HYCC2: variants seen among roughly 807,000 people sequenced by gnomAD.
HYCC2 encodes hyccin PI4KA lipid kinase complex subunit 2.
chr2:201,041,549 T>C, the HYCC2 span, among the ~76,000 whole-genome samples: 1 of 152,234 alleles, frequency 6.6e-6, no homozygotes, highest in Non-Finnish European at 1.5e-5. Flanking sequence ...TTTATGTAAA[T>C]AGCAGCTCTT....
chr2:201,026,012 A>G, the HYCC2 span, among the ~76,000 whole-genome samples: 8 of 152,180 alleles, frequency 5.3e-5, no homozygotes, highest in African/African-American at 1.9e-4. Flanking sequence ...TAAAAGACAC[A>G]GACTGGCAAA....
the HYCC2 span, among the ~76,000 whole-genome samples, chr2:201,018,346 T>G: frequency 6.6e-6 from 1 of 152,108 alleles, no homozygotes; most frequent in African/African-American, 2.4e-5. Flanking sequence ...AGTTTAATAC[T>G]AACTCTTTAA....
At chr2:201,033,224 T>G in the HYCC2 span, among the ~76,000 whole-genome samples, 1 of 138,452 alleles carries the variant, frequency 7.2e-6, no homozygotes, top group African/African-American at 2.8e-5. Context: ...AGAGATGAGA[T>G]CTCTCTCTGT....
At chr2:201,020,389 T>G in the HYCC2 span, among the ~76,000 whole-genome samples, 1 of 151,966 alleles carries the variant, frequency 6.6e-6, no homozygotes, top group East Asian at 1.9e-4. Flanking sequence ...GGTTAAAGAA[T>G]GTGAGGTGAA....
chr2:201,014,322 T>C, the HYCC2 span, among the ~76,000 whole-genome samples: 1 of 280 alleles, frequency 3.6e-3, no homozygotes, highest in African/African-American at 0.014. Flanking sequence ...GGAAACACAG[T>C]GATATATAAC....
At chr2:201,009,662 G>T in the HYCC2 span, among the ~76,000 whole-genome samples, 1 of 152,062 alleles carries the variant, frequency 6.6e-6, no homozygotes, top group African/African-American at 2.4e-5. Context: ...GTTTCGCCAT[G>T]TTGGCCAGGC....
the HYCC2 span, among the ~76,000 whole-genome samples, chr2:201,053,519 A>G: frequency 6.6e-6 from 1 of 152,222 alleles, no homozygotes; most frequent in African/African-American, 2.4e-5. Flanking sequence ...CTACTTTTAA[A>G]ATCTAGCAGC....
the HYCC2 span, among the ~76,000 whole-genome samples, chr2:201,069,178 A>C: frequency 3.9e-5 from 6 of 152,250 alleles, no homozygotes; most frequent in African/African-American, 1.2e-4. Context: ...ACAAGATGCC[A>C]AAACTGTATT....
the HYCC2 span, among the ~76,000 whole-genome samples, chr2:201,017,543 T>C: frequency 2.0e-5 from 3 of 152,204 alleles, no homozygotes; most frequent in Non-Finnish European, 4.4e-5. Flanking sequence ...TTTTGCATAA[T>C]ATTGCTGGGA....
chr2:201,035,080 T>C, the HYCC2 span, among the ~76,000 whole-genome samples: 3 of 152,194 alleles, frequency 2.0e-5, no homozygotes, highest in Non-Finnish European at 2.9e-5. Flanking sequence ...ATTATGTGTC[T>C]TGGAGTTGCT....
At chr2:200,992,367 A>T in the HYCC2 span, 1 of 1,585,870 alleles carries the variant, frequency 6.3e-7, no homozygotes, top group Non-Finnish European at 8.7e-7. Flanking sequence ...TGTCCATTAT[A>T]CCTATGAAGA....
chr2:201,005,016 C>CAAAAAA, the HYCC2 span, among the ~76,000 whole-genome samples: 1 of 56,584 alleles, frequency 1.8e-5, no homozygotes, highest in African/African-American at 6.6e-5. Context: ...GACTCCATCT[C>CAAAAAA]AAAAAAAAAA....
At chr2:201,043,052 A>G in the HYCC2 span, among the ~76,000 whole-genome samples, 1 of 152,238 alleles carries the variant, frequency 6.6e-6, no homozygotes, top group African/African-American at 2.4e-5. Context: ...AGAAAGAAGT[A>G]GACATAGGAG....
chr2:201,023,083 T>G, the HYCC2 span: 1 of 550,094 alleles, frequency 1.8e-6, no homozygotes, highest in Middle Eastern at 4.9e-4. Context: ...GCACAGTGGC[T>G]CACGTCTGGA....
At chr2:200,982,768 AT>A in the HYCC2 span, among the ~76,000 whole-genome samples, 1 of 151,800 alleles carries the variant, frequency 6.6e-6, no homozygotes, top group African/African-American at 2.4e-5. Context: ...TTATTTATTT[AT>A]TTTTTTTGAG....
chr2:201,067,500 T>C, the HYCC2 span, among the ~76,000 whole-genome samples: 1 of 152,186 alleles, frequency 6.6e-6, no homozygotes, highest in African/African-American at 2.4e-5. Context: ...CTTAATATAT[T>C]ACATAATTGA....
chr2:201,002,627 G>A, the HYCC2 span, among the ~76,000 whole-genome samples: 6 of 151,948 alleles, frequency 3.9e-5, no homozygotes, highest in Admixed American at 2.6e-4. Flanking sequence ...CCGGGTTCAA[G>A]CGATTCTCCT....
chr2:201,055,605 G>A, the HYCC2 span, among the ~76,000 whole-genome samples: 1 of 152,112 alleles, frequency 6.6e-6, no homozygotes, highest in Non-Finnish European at 1.5e-5. Context: ...GGACTGAGGT[G>A]AGAGGATCAC....
chr2:200,997,251 T>C, the HYCC2 span: 2 of 466,674 alleles, frequency 4.3e-6, no homozygotes, highest in Admixed American at 3.7e-5. Flanking sequence ...AGAAATCCTA[T>C]CTCATAAAAA....
Sources: gnomAD v4.1 joint callset for allele counts (sites outside exome capture counted in the v4.1 genomes callset) on GRCh38, gnomAD v4.1.1 for gene constraint, MANE v1.5 for transcripts, NCBI Gene and HGNC (gene_info 2026-07-23, HGNC 2026-07-21) for gene names.